The following BANK1 variants were observed in gnomAD, a reference collection of about 807,000 sequenced individuals.
BANK1 encodes B-cell scaffold protein with ankyrin repeats.
BANK1 carries 95 observed loss-of-function variants against 94.5 expected under a neutral mutation model. The observed-to-expected ratio is 1.00, with a 90% CI of 0.85 to 1.19. The LOEUF (loss-of-function observed/expected upper bound fraction) is 1.19. Ranked by LOEUF, BANK1 falls within the 50% of genes most tolerant of loss-of-function variation. The pLI is 0.00. For synonymous variants in BANK1, 334 were observed against 308.4 expected (o/e 1.08, Z -0.87); for missense variants, 987 against 932.2 (o/e 1.06, Z -0.77).
At chr4:101,965,036 A>G (rs1401339665) in intron 7 of BANK1, among the ~76,000 whole-genome samples, 1 of 150,326 alleles carries the variant, frequency 6.7e-6, no homozygotes, top group Admixed American at 6.7e-5. Context: ...TGTTCTTGCG[A>G]TAGTTTACTG....
chr4:101,899,179 A>AT (rs1224917089), intron 6 of BANK1, among the ~76,000 whole-genome samples: 6 of 152,164 alleles, frequency 3.9e-5, no homozygotes, highest in African/African-American at 1.4e-4. Context: ...GGGCAAGAGT[A>AT]TTTTTTCTGG....
chr4:101,891,798 T>A (rs1214887851), intron 5 of BANK1, among the ~76,000 whole-genome samples: 1 of 152,124 alleles, frequency 6.6e-6, no homozygotes, highest in Non-Finnish European at 1.5e-5. Context: ...ATAATTTTGA[T>A]TACTGTATTT....
At chr4:102,007,110 TAA>T (rs1170739147) in intron 7 of BANK1, among the ~76,000 whole-genome samples, 3 of 55,742 alleles carry the variant, frequency 5.4e-5, no homozygotes, top group Non-Finnish European at 1.2e-4. Context: ...TATATATATA[TAA>T]ATATATATTT....
rs1323044819 is a variant in BANK1, at chr4:101,875,630, T to C, written c.903+4986T>C. Among the ~76,000 whole-genome samples, 3 of 151,996 alleles carry C rather than the reference T, an allele frequency of 2.0e-5. No individual in the cohort carries two copies. The East Asian group carries it at 5.8e-4, about 29-fold the overall frequency. ...CCACCAGGGTCCCCCCCTAGATACA[T>C]GGGGATTACAATTCAAGATGAGATT... is the stretch of plus-strand genomic sequence containing the variant. On this transcript the variant is annotated intron_variant, in intron 5 of 16. Coordinates refer to ENST00000322953, the MANE Select transcript of BANK1 (RefSeq NM_017935.5).
intron 7 of BANK1, among the ~76,000 whole-genome samples, chr4:101,924,593 T>C (rs1006003855): frequency 4.0e-5 from 6 of 151,706 alleles, no homozygotes; most frequent in African/African-American, 1.5e-4. Context: ...TGGCGGTGCG[T>C]TGGGAAGGGG....
intron 2 of BANK1, among the ~76,000 whole-genome samples, chr4:101,835,649 A>G (rs979058255): frequency 6.6e-6 from 1 of 152,210 alleles, no homozygotes; most frequent in African/African-American, 2.4e-5. Flanking sequence ...ATGCAGAAGC[A>G]TTGTTTTCCT....
At chr4:101,941,821 A>G (rs1242684524) in intron 7 of BANK1, among the ~76,000 whole-genome samples, 2 of 151,774 alleles carry the variant, frequency 1.3e-5, no homozygotes, top group African/African-American at 2.4e-5. Context: ...CATTTTGACA[A>G]TTGAGTACTG....
chr4:102,022,984 T>C (rs1254685924), intron 8 of BANK1, among the ~76,000 whole-genome samples: 1 of 152,230 alleles, frequency 6.6e-6, no homozygotes, highest in Admixed American at 6.5e-5. Flanking sequence ...CATTTCACTT[T>C]ACCTGCTCCT....
At chr4:101,862,710 T>C (rs1727927734) in intron 4 of BANK1, 46 bp downstream of exon 4, 4 of 1,492,420 alleles carry the variant, frequency 2.7e-6, no homozygotes, top group African/African-American at 2.9e-5. Flanking sequence ...TATCCTGAGT[T>C]CCTTCCAATA....
intron 5 of BANK1, among the ~76,000 whole-genome samples, chr4:101,871,578 AG>A (rs1728288617): frequency 6.6e-6 from 1 of 152,176 alleles, no homozygotes; most frequent in Admixed American, 6.5e-5. Flanking sequence ...ACAACAGAAA[AG>A]GTAAACATTA....
rs374135659 is a variant in BANK1 at position 102,029,743 on chromosome 4, G to A, written c.1595-217G>A. Among the ~76,000 whole-genome samples the A allele has an allele frequency of 1.8e-3, 268 of 151,960 alleles. 1 individual carries two copies. The highest frequency in any genetic ancestry group is 3.2e-3 in the Non-Finnish European group (218 of 67,956). On this transcript the variant is annotated intron_variant, in intron 9 of 16. Coordinates refer to ENST00000322953, the MANE Select transcript of BANK1 (RefSeq NM_017935.5). Reference sequence around the variant, plus strand: ...GTCTTAATACAATTTAAACTACAAAGTGCAGGATGATTTATTAGTAAGTTA... The same window carrying A: ...GTCTTAATACAATTTAAACTACAAAATGCAGGATGATTTATTAGTAAGTTA...
At chr4:101,858,316 A>G (rs1236963374) in intron 3 of BANK1, among the ~76,000 whole-genome samples, 1 of 152,200 alleles carries the variant, frequency 6.6e-6, no homozygotes, top group South Asian at 2.1e-4. Flanking sequence ...CCTGTAATGC[A>G]CACAACAGCT....
intron 7 of BANK1, among the ~76,000 whole-genome samples, chr4:102,000,782 A>G (rs555459534): frequency 6.6e-6 from 1 of 152,308 alleles, no homozygotes; most frequent in African/African-American, 2.4e-5. Context: ...TATAGTGAAG[A>G]AATAAGTTGC....
At chr4:101,878,834 A>C (rs1396526820) in intron 5 of BANK1, among the ~76,000 whole-genome samples, 3 of 152,154 alleles carry the variant, frequency 2.0e-5, no homozygotes, top group African/African-American at 7.2e-5. Flanking sequence ...GAAATTAAAC[A>C]ATATGCTTTT....
intron 7 of BANK1, among the ~76,000 whole-genome samples, chr4:101,988,035 A>C (rs920598423): frequency 1.3e-5 from 2 of 152,208 alleles, no homozygotes; most frequent in Admixed American, 1.3e-4. Flanking sequence ...GGTGCACATC[A>C]CAGTGACACA....
intron 1 of BANK1, among the ~76,000 whole-genome samples, chr4:101,806,598 TACTC>T (rs1725563314): frequency 6.6e-6 from 1 of 152,194 alleles, no homozygotes. Context: ...TGTATATTGA[TACTC>T]ACATTAATTA....
intron 1 of BANK1, among the ~76,000 whole-genome samples, chr4:101,818,071 T>C (rs1725986854): frequency 1.3e-5 from 2 of 152,206 alleles, no homozygotes; most frequent in South Asian, 4.1e-4. Flanking sequence ...TTTGCTCTTT[T>C]GCTATGAGCA....
At chr4:102,042,592 A>G (rs561824330) in intron 10 of BANK1, among the ~76,000 whole-genome samples, 2 of 152,130 alleles carry the variant, frequency 1.3e-5, no homozygotes, top group African/African-American at 4.8e-5. Context: ...TTAATCACAG[A>G]TATGTCCTTG....
chr4:101,816,809 G>A (rs182379650), intron 1 of BANK1, among the ~76,000 whole-genome samples: 134 of 152,080 alleles, frequency 8.8e-4, no homozygotes, highest in African/African-American at 3.0e-3. Flanking sequence ...TTTATTAATG[G>A]CCAGTTAGAC....
Sources: gnomAD v4.1 joint callset for allele counts (sites outside exome capture counted in the v4.1 genomes callset) on GRCh38, gnomAD v4.1.1 for gene constraint, MANE v1.5 for transcripts, NCBI Gene and HGNC (gene_info 2026-07-23, HGNC 2026-07-21) for gene names.